The following TFCP2 variants were observed in gnomAD, a reference collection of about 807,000 sequenced individuals.
TFCP2 encodes the protein transcription factor CP2.
A neutral mutation model predicts 73.4 loss-of-function variants in TFCP2; 33 were observed. The ratio of observed to expected loss-of-function variants is 0.45; its 90% confidence interval spans 0.34 to 0.60. TFCP2 has a LOEUF of 0.60. TFCP2 is among the 20% of genes least tolerant of loss of function. TFCP2 has a pLI of 0.01. For synonymous variants in TFCP2, 193 were observed against 211.6 expected (o/e 0.91, Z 0.76); for missense variants, 352 against 604.0 (o/e 0.58, Z 4.37).
At chr12:51,151,877 A>G (rs1941435901) in intron 1 of TFCP2, among the ~76,000 whole-genome samples, 1 of 152,216 alleles carries the variant, frequency 6.6e-6, no homozygotes. Flanking sequence ...ATGAGTCTAC[A>G]TTGATAAAAA....
At chr12:51,128,082 G>A (rs1592811163) in intron 1 of TFCP2, among the ~76,000 whole-genome samples, 1 of 152,082 alleles carries the variant, frequency 6.6e-6, no homozygotes, top group East Asian at 1.9e-4. Context: ...ACCATGCCCA[G>A]CTAATTTTTG....
rs964477880 is a variant in TFCP2 at position 51,103,584 on chromosome 12, C to T, written c.1060+86G>A. The T allele has an allele frequency of 7.1e-6, 7 of 985,882 alleles. No homozygotes were observed. In the East Asian group the frequency reaches 1.7e-4, roughly 24 times the overall value. The allele number at this position is 985,882 out of a possible 1,614,324, so 61.1% of individuals were successfully genotyped here. On this transcript the variant is annotated intron_variant, in intron 10 of 14. Transcript: ENST00000257915. ...AAGATCTCTCATACACATATACACA[C>T]ACAACTCTCCCATGGATACCAGGAG...
chr12:51,147,487 C>T (rs139258360), intron 1 of TFCP2, among the ~76,000 whole-genome samples: 32 of 151,514 alleles, frequency 2.1e-4, no homozygotes, highest in Middle Eastern at 3.4e-3. Context: ...ATGGAAACTA[C>T]TATGAACAAG....
chr12:51,095,505 G>A (rs929731627), intron 14 of TFCP2, among the ~76,000 whole-genome samples: 2 of 151,906 alleles, frequency 1.3e-5, no homozygotes, highest in Non-Finnish European at 2.9e-5. Context: ...ATCTGTAATG[G>A]AAGATGGAAG....
chr12:51,127,748 G>T (rs1441024878), intron 1 of TFCP2, among the ~76,000 whole-genome samples: 1 of 152,140 alleles, frequency 6.6e-6, no homozygotes, highest in East Asian at 1.9e-4. Flanking sequence ...CTGTCAAAGG[G>T]TGCCTATCTC....
At chr12:51,148,046 C>T (rs2137025238) in intron 1 of TFCP2, among the ~76,000 whole-genome samples, 1 of 152,218 alleles carries the variant, frequency 6.6e-6, no homozygotes, top group Non-Finnish European at 1.5e-5. Context: ...AAATGCTCAA[C>T]ATCACTATCA....
intron 4 of TFCP2, 86 bp downstream of exon 4, chr12:51,116,229 G>A: frequency 1.7e-6 from 1 of 596,364 alleles, no homozygotes; most frequent in Non-Finnish European, 2.9e-6. Context: ...TCAAGCATAT[G>A]AATCAAGGTA....
At chr12:51,096,061 T>C in intron 13 of TFCP2, 21 bp from the exon 14 acceptor site, 1 of 1,608,336 alleles carries the variant, frequency 6.2e-7, no homozygotes, top group Non-Finnish European at 8.5e-7. Flanking sequence ...CAAGAAAATT[T>C]GTGATTATTT....
chr12:51,104,388 G>A (rs1244621643), intron 8 of TFCP2, among the ~76,000 whole-genome samples, 185 bp from the exon 9 acceptor site: 1 of 152,090 alleles, frequency 6.6e-6, no homozygotes, highest in Admixed American at 6.6e-5. Flanking sequence ...AAGACTTTAT[G>A]AGGAGGGGGA....
At chr12:51,169,373 C>A (rs1309753629) in intron 1 of TFCP2, among the ~76,000 whole-genome samples, 1 of 151,726 alleles carries the variant, frequency 6.6e-6, no homozygotes, top group African/African-American at 2.4e-5. Context: ...TGATGGCGTG[C>A]GCCTGTAGTG....
chr12:51,121,972 G>A (rs1940687612), intron 1 of TFCP2, among the ~76,000 whole-genome samples: 1 of 152,018 alleles, frequency 6.6e-6, no homozygotes, highest in Admixed American at 6.6e-5. Flanking sequence ...ACTACCTTCA[G>A]GCAAAGACAC....
At position 51,095,866 on chromosome 12, in the gene TFCP2, A is replaced by T. The variant is rs376486405; in HGVS notation, c.1471+123T>A. 18 of 585,050 alleles carry T rather than the reference A, an allele frequency of 3.1e-5. No individual in the cohort carries two copies. The African/African-American group carries it at 3.2e-4, about 11-fold the overall frequency. 36.2% of individuals were successfully genotyped at this position (585,050 alleles called of 1,614,324 possible). On this transcript the variant is annotated intron_variant, in intron 14 of 14. Coordinates refer to ENST00000257915, the MANE Select transcript of TFCP2 (RefSeq NM_005653.5). ...CTTAAAAAAAGGAACAATCTCTAAT[A>T]TTGTCACTTTCTTTACCCAAATATG...
At chr12:51,113,459 G>C (rs1461619301) in intron 4 of TFCP2, among the ~76,000 whole-genome samples, 2 of 152,150 alleles carry the variant, frequency 1.3e-5, no homozygotes, top group African/African-American at 4.8e-5. Context: ...AAGTGACATA[G>C]CTTCTAATAC....
chr12:51,122,982 T>C (rs1413571093), intron 1 of TFCP2, among the ~76,000 whole-genome samples: 1 of 152,212 alleles, frequency 6.6e-6, no homozygotes, highest in Non-Finnish European at 1.5e-5. Context: ...AAACAGAATT[T>C]TGAAACATAG....
chr12:51,111,237 G>A (rs746398301), intron 4 of TFCP2, among the ~76,000 whole-genome samples: 93 of 151,910 alleles, frequency 6.1e-4, no homozygotes, highest in Non-Finnish European at 1.1e-3. Context: ...TCTGCCTCCT[G>A]GGTTCAAACG....
intron 6 of TFCP2, 115 bp downstream of exon 6, chr12:51,109,006 T>C (rs891212838): frequency 6.9e-6 from 8 of 1,167,778 alleles, no homozygotes; most frequent in Non-Finnish European, 9.8e-6. Context: ...TTAGACTTTT[T>C]GCGTGTGTGT....
In TFCP2 at chr12:51,125,434, C is replaced by T; in HGVS notation, c.123-6662G>A. ...TTTTCTTCTGTGGGACCCTCTCACA[C>T]CTGCTTCCACTCTGACCTCCATATG... On this transcript the variant is annotated intron_variant, in intron 1 of 14. Transcript: ENST00000257915. 3 of 404,610 alleles carry T rather than the reference C, an allele frequency of 7.4e-6. No homozygotes were observed. In the Admixed American group the frequency reaches 9.1e-5, roughly 12 times the overall value. The allele number at this position is 404,610 out of a possible 1,614,324, so 25.1% of individuals were successfully genotyped here. A position where few individuals can be genotyped will look rare whatever the true frequency, so the allele number is the denominator to read the frequency against.
intron 1 of TFCP2, among the ~76,000 whole-genome samples, chr12:51,139,859 C>T: frequency 6.6e-6 from 1 of 152,162 alleles, no homozygotes; most frequent in African/African-American, 2.4e-5. Context: ...TCCTCCTCAC[C>T]ATTTTCCAAC....
intron 1 of TFCP2, chr12:51,124,518 G>A (rs1940754136): frequency 2.5e-6 from 1 of 397,886 alleles, no homozygotes; most frequent in Non-Finnish European, 4.9e-6. Context: ...AGGGGGGTAA[G>A]GCAGTGTTAA....
Sources: allele counts gnomAD v4.1 joint callset (sites outside exome capture counted in the v4.1 genomes callset), GRCh38; gene constraint gnomAD v4.1.1; transcripts MANE v1.5; gene names NCBI Gene and HGNC (gene_info 2026-07-23, HGNC 2026-07-21).